The following DCC variants were observed in gnomAD, a reference collection of about 807,000 sequenced individuals.
DCC encodes netrin receptor DCC.
A neutral mutation model predicts 172.5 loss-of-function variants in DCC; 58 were observed. That is an observed-to-expected ratio of 0.34 (90% confidence interval 0.27 to 0.42). The LOEUF is 0.42. Ranked by LOEUF, DCC falls within the 10% of genes least tolerant of loss-of-function variation. The pLI is 1.00. For missense variants in DCC, 1,740 were observed against 1,791.0 expected, an observed-to-expected ratio of 0.97 and a Z score of 0.51; for synonymous variants, 709 against 644.5, an observed-to-expected ratio of 1.10 and a Z score of -1.52.
chr18:53,493,597 G>T (rs2045984273), intron 26 of DCC, among the ~76,000 whole-genome samples: 1 of 152,100 alleles, frequency 6.6e-6, no homozygotes, highest in Admixed American at 6.6e-5. Flanking sequence ...TGATTTTTGT[G>T]GGATCAGTGG....
chr18:53,475,586 A>G (rs1446028658), intron 25 of DCC, among the ~76,000 whole-genome samples: 1 of 152,208 alleles, frequency 6.6e-6, no homozygotes. Context: ...CAGTGCACAG[A>G]AGTCAAGAAC....
chr18:52,588,432 C>T (rs1341665357), intron 1 of DCC, among the ~76,000 whole-genome samples: 1 of 152,164 alleles, frequency 6.6e-6, no homozygotes, highest in Non-Finnish European at 1.5e-5. Context: ...AAATGCTATT[C>T]CCTGACTACA....
At chr18:52,384,876 G>A (rs902458169) in intron 1 of DCC, among the ~76,000 whole-genome samples, 1 of 152,034 alleles carries the variant, frequency 6.6e-6, no homozygotes, top group Non-Finnish European at 1.5e-5. Context: ...CATTTTTTGG[G>A]TAACATACAC....
chr18:53,112,043 C>A (rs1037529910), intron 7 of DCC, among the ~76,000 whole-genome samples: 2 of 151,316 alleles, frequency 1.3e-5, no homozygotes, highest in Non-Finnish European at 3.0e-5. Flanking sequence ...TGCTTTTGAG[C>A]TGCATTGAGT....
At chr18:53,317,374 C>A (rs1036362360) in intron 13 of DCC, among the ~76,000 whole-genome samples, 1 of 152,122 alleles carries the variant, frequency 6.6e-6, no homozygotes, top group South Asian at 2.1e-4. Flanking sequence ...CTGCTGGATT[C>A]GGTTTGCCAG....
chr18:53,088,353 C>G (rs1018188618), intron 7 of DCC, among the ~76,000 whole-genome samples: 1 of 152,114 alleles, frequency 6.6e-6, no homozygotes, highest in African/African-American at 2.4e-5. Context: ...GTATTTCATT[C>G]CCTTTGAAGC....
At chr18:53,281,485 A>G (rs1012459666) in intron 12 of DCC, among the ~76,000 whole-genome samples, 2 of 152,154 alleles carry the variant, frequency 1.3e-5, no homozygotes, top group Admixed American at 1.3e-4. Context: ...GCTGAATCAG[A>G]CGTAGGCCTT....
chr18:53,478,425 G>A (rs2045792626), intron 25 of DCC, among the ~76,000 whole-genome samples: 1 of 152,170 alleles, frequency 6.6e-6, no homozygotes, highest in Admixed American at 6.6e-5. Flanking sequence ...AAAAGGAAGA[G>A]GGGAATAGGA....
At chr18:53,300,504 C>T (rs1018085448) in intron 12 of DCC, among the ~76,000 whole-genome samples, 8 of 152,242 alleles carry the variant, frequency 5.3e-5, no homozygotes, top group Non-Finnish European at 7.4e-5. Flanking sequence ...AGCAAGAAGG[C>T]TGCGATCTGC....
intron 2 of DCC, chr18:52,754,117 A>G (rs1464164747): frequency 2.6e-5 from 4 of 152,190 alleles, no homozygotes; most frequent in African/African-American, 9.7e-5. Flanking sequence ...AAGACTGATC[A>G]GAATAACTCA....
chr18:53,482,435 G>A (rs546316152), intron 25 of DCC, among the ~76,000 whole-genome samples: 79 of 152,136 alleles, frequency 5.2e-4, no homozygotes, highest in African/African-American at 1.8e-3. Context: ...CTTCAGTAAT[G>A]AAAGACTTGG....
At chr18:53,439,199 C>T (rs963558315) in intron 22 of DCC, among the ~76,000 whole-genome samples, 1 of 152,110 alleles carries the variant, frequency 6.6e-6, no homozygotes, top group African/African-American at 2.4e-5. Context: ...TAACTTTAGC[C>T]TTGGCTATTA....
At chr18:53,312,825 A>AAAAT (rs1413016458) in intron 13 of DCC, among the ~76,000 whole-genome samples, 1 of 146,456 alleles carries the variant, frequency 6.8e-6, no homozygotes, top group Non-Finnish European at 1.5e-5. Context: ...AAAAAAAAAA[A>AAAAT]GCTTTTAATT....
At chr18:52,734,646 A>G (rs902106801) in intron 1 of DCC, among the ~76,000 whole-genome samples, 2 of 152,088 alleles carry the variant, frequency 1.3e-5, no homozygotes, top group African/African-American at 4.8e-5. Flanking sequence ...CAAGCTTTAG[A>G]CCCAGTGGAA....
At chr18:53,174,856 A>G (rs1413841507) in intron 8 of DCC, among the ~76,000 whole-genome samples, 5 of 152,062 alleles carry the variant, frequency 3.3e-5, no homozygotes, top group African/African-American at 1.2e-4. Flanking sequence ...TACCAAAGCC[A>G]GGCAGAGACA....
intron 7 of DCC, among the ~76,000 whole-genome samples, chr18:53,118,422 T>A (rs890342956): frequency 6.6e-6 from 1 of 151,808 alleles, no homozygotes; most frequent in Non-Finnish European, 1.5e-5. Flanking sequence ...TGAGTGATTA[T>A]TCCATGTCAT....
intron 1 of DCC, among the ~76,000 whole-genome samples, chr18:52,744,316 T>A (rs1282744634): frequency 6.6e-6 from 1 of 152,202 alleles, no homozygotes; most frequent in Non-Finnish European, 1.5e-5. Flanking sequence ...CTGTTCCTTT[T>A]AAATTTTCAC....
At chr18:53,151,685 A>C (rs1422783635) in intron 7 of DCC, among the ~76,000 whole-genome samples, 3 of 152,154 alleles carry the variant, frequency 2.0e-5, no homozygotes, top group Non-Finnish European at 2.9e-5. Flanking sequence ...TATGGAGTAC[A>C]TTAAGTTTCA....
At chr18:53,161,246 T>C (rs915398535) in intron 8 of DCC, among the ~76,000 whole-genome samples, 2 of 152,224 alleles carry the variant, frequency 1.3e-5, no homozygotes, top group Admixed American at 1.3e-4. Flanking sequence ...GGTTCACCAA[T>C]AACCTCCTGT....
Sources: gnomAD v4.1 joint callset for allele counts (sites outside exome capture counted in the v4.1 genomes callset) on GRCh38, gnomAD v4.1.1 for gene constraint, MANE v1.5 for transcripts, NCBI Gene and HGNC (gene_info 2026-07-23, HGNC 2026-07-21) for gene names.